Variants in RNPC3 observed in about 807,000 individuals in gnomAD.
RNPC3 encodes the protein RNA binding region (RNP1, RRM) containing 3.
RNPC3 carries 48 observed loss-of-function variants against 67.5 expected under a neutral mutation model. The observed-to-expected ratio is 0.71, with a 90% CI of 0.56 to 0.90. The LOEUF (loss-of-function observed/expected upper bound fraction) is 0.90. Ranked by LOEUF, RNPC3 falls within the 40% of genes least tolerant of loss-of-function variation. The pLI is 0.00. For synonymous variants in RNPC3, 239 were observed against 210.3 expected (o/e 1.14, Z -1.18); for missense variants, 637 against 626.1 (o/e 1.02, Z -0.19).
At chr1:103,552,735 C>T (rs1357583877) in intron 14 of RNPC3, 1 of 150,438 alleles carries the variant, frequency 6.6e-6, no homozygotes, top group African/African-American at 2.5e-5. Flanking sequence ...CACTGCACTC[C>T]ACACTGGCAA....
At chr1:103,543,499 A>G (rs1651173990) in intron 9 of RNPC3, 52 bp downstream of exon 9, 5 of 1,255,892 alleles carry the variant, frequency 4.0e-6, no homozygotes, top group Middle Eastern at 1.9e-4. Context: ...TTGTGTTAGA[A>G]TTAAGTTTTA....
At chr1:103,553,633 T>C (rs1023758258) in intron 14 of RNPC3, 2 of 152,234 alleles carry the variant, frequency 1.3e-5, no homozygotes, top group Non-Finnish European at 2.9e-5. Flanking sequence ...GTATGTTTCC[T>C]AAACCTAATT....
At chr1:103,540,130 G>C (rs61716293) in intron 7 of RNPC3, among the ~76,000 whole-genome samples, 43,357 of 152,200 alleles carry the variant, frequency 0.28, 6,765 homozygotes, top group Middle Eastern at 0.39. Flanking sequence ...GCCTCCCAAA[G>C]TGCTGGGATT....
At chr1:103,532,291 G>T (rs1440701753) in intron 2 of RNPC3, among the ~76,000 whole-genome samples, 1 of 152,082 alleles carries the variant, frequency 6.6e-6, no homozygotes, top group East Asian at 1.9e-4. Context: ...TAGGAAAGAA[G>T]CATTAAGGAT....
intron 7 of RNPC3, among the ~76,000 whole-genome samples, chr1:103,541,115 G>A (rs1392616912): frequency 6.6e-6 from 1 of 152,074 alleles, no homozygotes; most frequent in African/African-American, 2.4e-5. Flanking sequence ...ATGTAATTAA[G>A]TCTATTTTTA....
chr1:103,550,588 C>T (rs188941348), intron 12 of RNPC3, among the ~76,000 whole-genome samples: 34 of 138,720 alleles, frequency 2.5e-4, no homozygotes, highest in East Asian at 1.5e-3. Context: ...TTGCAGTGAG[C>T]GGAGATCATG....
intron 7 of RNPC3, among the ~76,000 whole-genome samples, chr1:103,538,845 C>G (rs1480932832): frequency 6.6e-6 from 1 of 152,132 alleles, no homozygotes; most frequent in South Asian, 2.1e-4. Flanking sequence ...ACAATCTATG[C>G]ATTTTATTTA....
chr1:103,529,036 A>G (rs962712925), intron 2 of RNPC3, among the ~76,000 whole-genome samples: 3 of 152,216 alleles, frequency 2.0e-5, no homozygotes, highest in African/African-American at 4.8e-5. Context: ...GGTATGTGTT[A>G]ATATGGAATG....
intron 7 of RNPC3, among the ~76,000 whole-genome samples, chr1:103,538,710 A>G (rs1459859706): frequency 6.6e-6 from 1 of 152,206 alleles, no homozygotes; most frequent in Non-Finnish European, 1.5e-5. Context: ...ATGTTTTGAC[A>G]GATGCTTATT....
intron 1 of RNPC3, 51 bp downstream of exon 1, chr1:103,526,313 C>G: frequency 7.0e-7 from 1 of 1,431,078 alleles, no homozygotes; most frequent in Non-Finnish European, 9.4e-7. Context: ...GGGAAGTGAC[C>G]GGGGAGGGGG....
intron 12 of RNPC3, among the ~76,000 whole-genome samples, chr1:103,549,363 G>C (rs1176639978): frequency 6.6e-6 from 1 of 151,926 alleles, no homozygotes; most frequent in African/African-American, 2.4e-5. Context: ...TTTTAGATAG[G>C]TATACACAAA....
chr1:103,534,011 A>G (rs1212482751), intron 3 of RNPC3, among the ~76,000 whole-genome samples, 154 bp downstream of exon 3: 1 of 152,038 alleles, frequency 6.6e-6, no homozygotes, highest in Non-Finnish European at 1.5e-5. Context: ...GTAAAACAGT[A>G]TGTTTATTTT....
chr1:103,527,208 G>C (rs1650741732), intron 1 of RNPC3, among the ~76,000 whole-genome samples: 1 of 152,012 alleles, frequency 6.6e-6, no homozygotes, highest in Admixed American at 6.5e-5. Flanking sequence ...TTTAAAATCC[G>C]TATAATTTAT....
intron 7 of RNPC3, among the ~76,000 whole-genome samples, chr1:103,537,782 A>G (rs760329708): frequency 1.4e-4 from 22 of 152,016 alleles, no homozygotes; most frequent in Non-Finnish European, 2.5e-4. Flanking sequence ...GAATTTGCCT[A>G]TGTGCTAAAA....
chr1:103,548,815 C>A (rs1294046659), intron 12 of RNPC3, among the ~76,000 whole-genome samples: 1 of 152,094 alleles, frequency 6.6e-6, no homozygotes, highest in Non-Finnish European at 1.5e-5. Flanking sequence ...TGAGACTGGG[C>A]AATTTACAAA....
At position 103,537,504 on chromosome 1, in the gene RNPC3, T is replaced by A; in HGVS notation, c.767+20T>A. 6.5e-7 allele frequency: 1 copy of A among 1,526,886 alleles called. No homozygotes were observed. The highest frequency in any genetic ancestry group is 8.8e-7 in the Non-Finnish European group (1 of 1,141,140). 94.6% of individuals were successfully genotyped at this position (1,526,886 alleles called of 1,614,324 possible). A position where few individuals can be genotyped will look rare whatever the true frequency, so the allele number is the denominator to read the frequency against. ...ACAGAGGTTTGTAACATGAAAAATT[T>A]GTTTAGTTTCCAAGAAACATAGAAT... On this transcript the variant is annotated intron_variant, in intron 7 of 14. Transcript: ENST00000423855.
Position 103,527,813 on chromosome 1 carries a change from T to C in RNPC3, c.240+71T>C, listed in dbSNP as rs533666745. 2.0e-5 allele frequency: 22 copies of C among 1,122,632 alleles called. No homozygotes were observed. The African/African-American group carries it at 2.9e-4, about 15-fold the overall frequency. 69.5% of individuals were successfully genotyped at this position (1,122,632 alleles called of 1,614,324 possible). Reference sequence around the variant, plus strand: ...ATACAATCTTGGTTCAGATAATGTTTAACTGTGGTTTTTAAGAAGCAAAAG... The same window carrying C: ...ATACAATCTTGGTTCAGATAATGTTCAACTGTGGTTTTTAAGAAGCAAAAG... On this transcript the variant is annotated intron_variant, in intron 2 of 14. Transcript: ENST00000423855.
Position 103,551,729 on chromosome 1 carries a change from T to C in RNPC3, c.1503T>C (p.Ala501=). Residue 501 remains alanine, a synonymous_variant, in exon 14 of 15, where the codon GCT becomes GCC. Coordinates refer to ENST00000423855, the MANE Select transcript of RNPC3 (RefSeq NM_017619.4). Reference sequence around the variant, plus strand: ...TAATTTTAAATTATTAGCAGTTTGCTCGATCTGCTAGACCAAAACAAGATC... The same window carrying C: ...TAATTTTAAATTATTAGCAGTTTGCCCGATCTGCTAGACCAAAACAAGATC... ...LFGKPMVVQF[A]RSARPKQDPK... The C allele has an allele frequency of 6.5e-7, 1 of 1,528,898 alleles. No individual in the cohort carries two copies. The allele number at this position is 1,528,898 out of a possible 1,614,324, so 94.7% of individuals were successfully genotyped here.
chr1:103,535,471 A>G, intron 5 of RNPC3, 30 bp downstream of exon 5: 1 of 1,357,700 alleles, frequency 7.4e-7, no homozygotes, highest in Non-Finnish European at 1.0e-6. Flanking sequence ...TCCTAAAAGG[A>G]CTTGTTGTAT....
Sources: allele counts gnomAD v4.1 joint callset (sites outside exome capture counted in the v4.1 genomes callset), GRCh38; gene constraint gnomAD v4.1.1; transcripts MANE v1.5; gene names NCBI Gene and HGNC (gene_info 2026-07-23, HGNC 2026-07-21).